Variants in NBEA observed in about 807,000 individuals in gnomAD.
NBEA encodes lysosomal-trafficking regulator 2.
In NBEA, 44 loss-of-function variants were observed where a neutral mutation model predicts 343.4. The ratio of observed to expected loss-of-function variants is 0.13; its 90% confidence interval spans 0.10 to 0.16. NBEA has a LOEUF of 0.16. Among genes scored for constraint, NBEA ranks in the 10% least tolerant of loss-of-function variants. The pLI is 1.00. For synonymous variants in NBEA, 1,175 were observed against 1,238.7 expected, an observed-to-expected ratio of 0.95 and a Z score of 1.08; for missense variants, 2,555 against 3,631.3, an observed-to-expected ratio of 0.70 and a Z score of 7.62.
At chr13:35,109,051 T>C (rs1389465065) in intron 11 of NBEA, among the ~76,000 whole-genome samples, 4 of 152,152 alleles carry the variant, frequency 2.6e-5, no homozygotes, top group Non-Finnish European at 5.9e-5. Context: ...ATTATTTAAC[T>C]TGAATTATTT....
chr13:35,605,239 T>C (rs955099539), intron 47 of NBEA, among the ~76,000 whole-genome samples: 1 of 152,192 alleles, frequency 6.6e-6, no homozygotes, highest in African/African-American at 2.4e-5. Context: ...AACATTTATA[T>C]TTTTCTTATG....
intron 13 of NBEA, among the ~76,000 whole-genome samples, chr13:35,116,797 A>G (rs1473379934): frequency 6.6e-6 from 1 of 151,982 alleles, no homozygotes; most frequent in African/African-American, 2.4e-5. Flanking sequence ...TTTTATTAGT[A>G]ATTAAATATT....
intron 1 of NBEA, among the ~76,000 whole-genome samples, chr13:35,031,058 C>G (rs1310474723): frequency 6.6e-6 from 1 of 151,606 alleles, no homozygotes; most frequent in Non-Finnish European, 1.5e-5. Flanking sequence ...GGAGATTCAT[C>G]TAAAAAAATT....
chr13:35,635,173 C>G (rs894541913), intron 49 of NBEA, among the ~76,000 whole-genome samples: 1 of 152,034 alleles, frequency 6.6e-6, no homozygotes, highest in Non-Finnish European at 1.5e-5. Context: ...TCCTTGAATT[C>G]TTTCTATTAT....
chr13:35,138,865 C>T (rs1211506168), intron 17 of NBEA, among the ~76,000 whole-genome samples: 2 of 151,846 alleles, frequency 1.3e-5, no homozygotes, highest in Non-Finnish European at 2.9e-5. Context: ...GAACAATTTC[C>T]ATTGTATTCC....
intron 30 of NBEA, chr13:35,186,597 T>C (rs2071721367): frequency 6.6e-6 from 1 of 152,162 alleles, no homozygotes; most frequent in South Asian, 2.1e-4. Context: ...ACAAAAACAA[T>C]TTAAGTATTT....
intron 34 of NBEA, among the ~76,000 whole-genome samples, chr13:35,271,380 T>C (rs2034135309): frequency 6.6e-6 from 1 of 152,084 alleles, no homozygotes; most frequent in Non-Finnish European, 1.5e-5. Flanking sequence ...CAAAGGTAGA[T>C]AAAACCACAA....
At chr13:35,535,249 G>A (rs1229209953) in intron 41 of NBEA, among the ~76,000 whole-genome samples, 1 of 152,164 alleles carries the variant, frequency 6.6e-6, no homozygotes, top group East Asian at 1.9e-4. Context: ...AACACCATGG[G>A]AAATTCAGTA....
Position 35,606,438 on chromosome 13 carries a change from G to T in NBEA, c.7309G>T (p.Glu2437Ter). 6.7e-7 allele frequency: 1 copy of T among 1,487,472 alleles called. No individual in the cohort carries two copies. Among genetic ancestry groups the T allele is most frequent in the East Asian group, 2.4e-5 (1 of 41,572 alleles). The allele number at this position is 1,487,472 out of a possible 1,614,324, so 92.1% of individuals were successfully genotyped here. ...TTATTCCTGATAGGAACTAATTCCA[G>T]AGTTCTACTACCTACCAGAGATGTT... ...DTSDVKELIP[E>*]FYYLPEMFVN... Residue 2437 changes from glutamate (E) to a stop codon, truncating the protein, a stop_gained, in exon 48 of 59, where the codon GAG becomes TAG. Transcript: ENST00000379939. LOFTEE classifies it high-confidence loss of function.
At chr13:35,004,992 T>C (rs1371217584) in intron 1 of NBEA, among the ~76,000 whole-genome samples, 1 of 152,172 alleles carries the variant, frequency 6.6e-6, no homozygotes, top group Non-Finnish European at 1.5e-5. Flanking sequence ...CAGTTTTTTA[T>C]TACCTTATTT....
intron 45 of NBEA, among the ~76,000 whole-genome samples, chr13:35,567,439 G>T (rs146998041): frequency 6.6e-6 from 1 of 152,280 alleles, no homozygotes; most frequent in African/African-American, 2.4e-5. Flanking sequence ...TTTACCAAGT[G>T]TCTGTCTATA....
At chr13:35,372,582 A>C (rs601848) in intron 38 of NBEA, among the ~76,000 whole-genome samples, 44,307 of 152,050 alleles carry the variant, frequency 0.29, 8,312 homozygotes, top group African/African-American at 0.54. Context: ...CAACAACTGC[A>C]CTGTGGCCTT....
intron 1 of NBEA, among the ~76,000 whole-genome samples, chr13:35,033,324 G>C (rs562842517): frequency 1.3e-3 from 190 of 151,860 alleles, no homozygotes; most frequent in African/African-American, 4.0e-3. Context: ...TAGGCATGTG[G>C]ATTTGTTTCT....
rs377421002 is a variant in NBEA, at chr13:35,569,081, G to A, written c.7035+2064G>A. ...GGACATCAGTATTAGCTAATGCTAT[G>A]TATATGACAATAATAGAGTGGTGAA... On this transcript the variant is annotated intron_variant, in intron 45 of 58. Transcript: ENST00000379939. Among the ~76,000 whole-genome samples, 134 of 152,288 alleles carry A rather than the reference G, an allele frequency of 8.8e-4. 3 individuals carry two copies. The South Asian group carries it at 0.028, about 32-fold the overall frequency.
At chr13:35,251,598 G>T (rs2031966160) in intron 34 of NBEA, 1 of 1,228,946 alleles carries the variant, frequency 8.1e-7, no homozygotes, top group South Asian at 1.5e-5. Flanking sequence ...AAGCCAAACA[G>T]GTAGCTCAGC....
At chr13:35,115,847 C>T (rs1188314592) in intron 13 of NBEA, among the ~76,000 whole-genome samples, 1 of 152,094 alleles carries the variant, frequency 6.6e-6, no homozygotes, top group Non-Finnish European at 1.5e-5. Flanking sequence ...CACAAGATGT[C>T]CTATGACAAG....
intron 38 of NBEA, among the ~76,000 whole-genome samples, chr13:35,407,053 A>G (rs2043307790): frequency 6.7e-6 from 1 of 149,460 alleles, no homozygotes; most frequent in South Asian, 2.1e-4. Context: ...TCTGCCTCCC[A>G]GGTTCAAGCA....
intron 41 of NBEA, among the ~76,000 whole-genome samples, chr13:35,487,738 A>G (rs2076353117): frequency 6.6e-6 from 1 of 151,984 alleles, no homozygotes; most frequent in Non-Finnish European, 1.5e-5. Context: ...CCTTCTGAAT[A>G]GTATTATCCC....
chr13:35,328,863 A>T (rs1211547872), intron 36 of NBEA, among the ~76,000 whole-genome samples: 1 of 151,912 alleles, frequency 6.6e-6, no homozygotes, highest in Non-Finnish European at 1.5e-5. Context: ...ACAAATTGAA[A>T]AGGAACAAAG....
Sources: allele counts gnomAD v4.1 joint callset (sites outside exome capture counted in the v4.1 genomes callset), GRCh38; gene constraint gnomAD v4.1.1; transcripts MANE v1.5; gene names NCBI Gene and HGNC (gene_info 2026-07-23, HGNC 2026-07-21).